The following CYRIB variants were observed in gnomAD, a reference collection of about 807,000 sequenced individuals.
The protein encoded by CYRIB is CYFIP related Rac1 interactor B, also known as CYFIP-related Rac1 interactor B.
In CYRIB, 8 loss-of-function variants were observed where a neutral mutation model predicts 44.2. That is an observed-to-expected ratio of 0.18 (90% CI 0.11 to 0.33). The LOEUF is 0.33. CYRIB is among the 10% of genes least tolerant of loss of function. The pLI, the probability that CYRIB is intolerant of heterozygous loss-of-function variation, is 1.00. For synonymous variants in CYRIB, 131 were observed against 127.2 expected (o/e 1.03, Z -0.20); for missense variants, 185 against 382.8 (o/e 0.48, Z 4.31).
intron 4 of CYRIB, among the ~76,000 whole-genome samples, chr8:129,863,550 AAAG>A (rs1276950675): frequency 2.6e-5 from 4 of 151,966 alleles, no homozygotes; most frequent in African/African-American, 7.2e-5. Context: ...AAAATACAAA[AAAG>A]AAGAATTGTC....
At chr8:129,916,798 T>G (rs2081013026) in intron 1 of CYRIB, among the ~76,000 whole-genome samples, 1 of 152,210 alleles carries the variant, frequency 6.6e-6, no homozygotes, top group Non-Finnish European at 1.5e-5. Context: ...CTCAAGTCTT[T>G]TGTACCCTAT....
chr8:129,882,648 G>A (rs2061209636), intron 2 of CYRIB, among the ~76,000 whole-genome samples: 1 of 152,076 alleles, frequency 6.6e-6, no homozygotes, highest in South Asian at 2.1e-4. Flanking sequence ...CTTTTTACGT[G>A]TATGCACACA....
intron 6 of CYRIB, among the ~76,000 whole-genome samples, chr8:129,855,287 A>C (rs1300024617): frequency 6.6e-6 from 1 of 151,388 alleles, no homozygotes; most frequent in South Asian, 2.1e-4. Flanking sequence ...GCTACTTGGG[A>C]GGTTGAGGTG....
At chr8:130,007,503 G>T (rs1169568440) in intron 1 of CYRIB, among the ~76,000 whole-genome samples, 2 of 152,222 alleles carry the variant, frequency 1.3e-5, no homozygotes, top group Non-Finnish European at 2.9e-5. Flanking sequence ...TATATGACAT[G>T]GCTGGGCGCA....
At chr8:129,942,602 G>C (rs1414033089), upstream of CYRIB, among the ~76,000 whole-genome samples, 5 of 152,076 alleles carry the variant, frequency 3.3e-5, no homozygotes, top group African/African-American at 1.2e-4. Context: ...TTTTTGCCGA[G>C]GGCAAAGCTT....
At chr8:129,953,694 T>C (rs2094622772) in intron 2 of CYRIB, among the ~76,000 whole-genome samples, 1 of 152,156 alleles carries the variant, frequency 6.6e-6, no homozygotes, top group South Asian at 2.1e-4. Flanking sequence ...GGAGATGGCA[T>C]TGGTCCAGCC....
At chr8:129,959,264 C>G (rs1005339439) in intron 2 of CYRIB, among the ~76,000 whole-genome samples, 2 of 120,162 alleles carry the variant, frequency 1.7e-5, no homozygotes, top group African/African-American at 4.6e-5. Context: ...CCAGCCACAG[C>G]CACAGCCACA....
intron 1 of CYRIB, among the ~76,000 whole-genome samples, chr8:130,005,174 A>G (rs971768427): frequency 1.3e-5 from 2 of 151,964 alleles, no homozygotes; most frequent in African/African-American, 4.8e-5. Context: ...GAACTTCACC[A>G]TGAAGATGTG....
intron 3 of CYRIB, among the ~76,000 whole-genome samples, 192 bp from the exon 6 acceptor site, chr8:129,871,688 T>C (rs1457438409): frequency 2.0e-5 from 3 of 152,166 alleles, no homozygotes; most frequent in Non-Finnish European, 4.4e-5. Context: ...TTCAAGTACA[T>C]AGATATTACA....
At chr8:129,846,780 A>C in intron 11 of CYRIB, 24 bp downstream of exon 13, 1 of 1,534,090 alleles carries the variant, frequency 6.5e-7, no homozygotes, top group East Asian at 2.4e-5. Flanking sequence ...TTTTCTGTAC[A>C]TACGTACACG....
rs34658935 is a variant in CYRIB, at chr8:129,998,119, CAAAAAAAAA to C, written c.-296+18242_-296+18250del. Among the ~76,000 whole-genome samples, 7 of 93,164 alleles carry C rather than the reference CAAAAAAAAA, an allele frequency of 7.5e-5. No homozygotes were observed. In the South Asian group the frequency reaches 1.9e-3, roughly 25 times the overall value. The allele number at this position is 93,164 out of a possible 152,430, so 61.1% of individuals were successfully genotyped here. A position where few individuals can be genotyped will look rare whatever the true frequency, so the allele number is the denominator to read the frequency against. ...CTGGTGACACAGCGAGACTCTGTCT[CAAAAAAAAA>C]AAAAAAAAAACAAAAAAAACACCTC... On this transcript the variant is annotated intron_variant, in intron 1 of 14. Coordinates refer to the CYRIB transcript ENST00000401979.
chr8:129,997,848 C>T (rs548930017), intron 1 of CYRIB, among the ~76,000 whole-genome samples: 11 of 152,078 alleles, frequency 7.2e-5, no homozygotes, highest in Admixed American at 5.9e-4. Flanking sequence ...ACAGGCCAGG[C>T]GCAGTGGCTC....
chr8:129,910,115 A>AT (rs2077213447), intron 1 of CYRIB, among the ~76,000 whole-genome samples: 2 of 152,172 alleles, frequency 1.3e-5, no homozygotes, highest in Non-Finnish European at 2.9e-5. Context: ...CATAGGTGCT[A>AT]GTATGGGTTT....
chr8:129,907,874 T>C (rs988445283), intron 1 of CYRIB, among the ~76,000 whole-genome samples: 2 of 152,250 alleles, frequency 1.3e-5, no homozygotes, highest in African/African-American at 2.4e-5. Context: ...TGGTGGTGCA[T>C]GCCTGTAATC....
chr8:130,012,495 C>G (rs1409645970), intron 1 of CYRIB, among the ~76,000 whole-genome samples: 1 of 150,282 alleles, frequency 6.7e-6, no homozygotes, highest in Non-Finnish European at 1.5e-5. Flanking sequence ...AGAAAGAGCA[C>G]CAGGGGCTGA....
intron 2 of CYRIB, among the ~76,000 whole-genome samples, chr8:129,897,738 C>T (rs1468242175): frequency 1.3e-5 from 2 of 151,342 alleles, no homozygotes; most frequent in African/African-American, 4.9e-5. Flanking sequence ...AGTTCGAGAC[C>T]AGCCTGGGCA....
intron 6 of CYRIB, among the ~76,000 whole-genome samples, chr8:129,854,683 G>A (rs1437209375): frequency 1.3e-5 from 2 of 152,210 alleles, no homozygotes; most frequent in Non-Finnish European, 2.9e-5. Flanking sequence ...ATGGTCAACA[G>A]AGCAATCCTC....
At chr8:129,880,238 TA>T (rs2060413426) in intron 2 of CYRIB, 1 of 318,144 alleles carries the variant, frequency 3.1e-6, no homozygotes, top group Non-Finnish European at 4.6e-6. Context: ...TGCCTACGAT[TA>T]AGAAAAAATC....
Position 129,996,509 on chromosome 8 carries a change from C to G in CYRIB, c.-296+19861G>C, listed in dbSNP as rs559927168. Among the ~76,000 whole-genome samples, 644 of 152,290 alleles carry G rather than the reference C, an allele frequency of 4.2e-3. 3 individuals are homozygous for G. Among genetic ancestry groups the G allele is most frequent in the African/African-American group, 0.015 (620 of 41,550 alleles). ...GGAGGACAGAGGGGCCGTGGGGAAA[C>G]AGAAGCCAAGTGGGAAAGGGCAGGG... On this transcript the variant is annotated intron_variant, in intron 1 of 14. Coordinates refer to the CYRIB transcript ENST00000401979.
Sources: gnomAD v4.1 joint callset for allele counts (sites outside exome capture counted in the v4.1 genomes callset) on GRCh38, gnomAD v4.1.1 for gene constraint, MANE v1.5 for transcripts, NCBI Gene and HGNC (gene_info 2026-07-23, HGNC 2026-07-21) for gene names.